The following NKAIN2 variants were observed in gnomAD, a reference collection of about 807,000 sequenced individuals.
The protein encoded by NKAIN2 is sodium/potassium-transporting ATPase subunit beta-1-interacting protein 2.
NKAIN2 carries 14 observed loss-of-function variants against 32.6 expected under a neutral mutation model. The observed-to-expected ratio is 0.43, with a 90% CI of 0.28 to 0.67. The LOEUF (loss-of-function observed/expected upper bound fraction) is 0.67, where lower values mean the gene tolerates loss of function less well. Ranked by LOEUF, NKAIN2 falls within the 30% of genes least tolerant of loss-of-function variation. The probability of loss-of-function intolerance (pLI) is 0.17; values close to 1 mark genes in which losing one functional copy is unlikely to be tolerated. For synonymous variants in NKAIN2, 80 were observed against 87.2 expected (o/e 0.92, Z 0.46); for missense variants, 198 against 258.3 (o/e 0.77, Z 1.60).
At chr6:123,873,540 G>C (rs1466665614) in intron 1 of NKAIN2, among the ~76,000 whole-genome samples, 1 of 152,172 alleles carries the variant, frequency 6.6e-6, no homozygotes, top group Non-Finnish European at 1.5e-5. Flanking sequence ...TTTCTCTGAA[G>C]TGTGTATGCA....
At chr6:124,607,734 A>G (rs1444159379) in intron 3 of NKAIN2, among the ~76,000 whole-genome samples, 1 of 152,124 alleles carries the variant, frequency 6.6e-6, no homozygotes, top group Admixed American at 6.5e-5. Context: ...TTCACAACTT[A>G]CAATGGTTCA....
At chr6:123,922,188 A>G (rs1775789306) in intron 1 of NKAIN2, among the ~76,000 whole-genome samples, 1 of 152,190 alleles carries the variant, frequency 6.6e-6, no homozygotes. Context: ...GTTGATAGGC[A>G]ACTTATTTAA....
chr6:124,705,484 C>G (rs1012143553), intron 4 of NKAIN2, among the ~76,000 whole-genome samples: 2 of 151,838 alleles, frequency 1.3e-5, no homozygotes, highest in African/African-American at 4.8e-5. Flanking sequence ...AGAATTGAAC[C>G]CTAAGTGGAG....
At chr6:124,571,339 G>C (rs1781120037) in intron 3 of NKAIN2, among the ~76,000 whole-genome samples, 2 of 152,082 alleles carry the variant, frequency 1.3e-5, no homozygotes, top group African/African-American at 4.8e-5. Context: ...GATTCGGAGG[G>C]GCCAGGCGTG....
chr6:123,805,247 C>T (rs532477578), intron 1 of NKAIN2, among the ~76,000 whole-genome samples: 1 of 152,310 alleles, frequency 6.6e-6, no homozygotes, highest in East Asian at 1.9e-4. Context: ...TTTTCAACAA[C>T]TGTTTCATAA....
chr6:123,843,908 T>C (rs1315710640), intron 1 of NKAIN2, among the ~76,000 whole-genome samples: 1 of 152,138 alleles, frequency 6.6e-6, no homozygotes, highest in African/African-American at 2.4e-5. Context: ...TGTGACAAAG[T>C]CCGGGCATGA....
At chr6:124,140,423 A>G (rs913372768) in intron 1 of NKAIN2, among the ~76,000 whole-genome samples, 2 of 152,226 alleles carry the variant, frequency 1.3e-5, no homozygotes, top group South Asian at 2.1e-4. Context: ...AGGTAAAAAC[A>G]TTAGAAAGAC....
At chr6:124,014,448 T>C (rs1261417151) in intron 1 of NKAIN2, among the ~76,000 whole-genome samples, 1 of 152,078 alleles carries the variant, frequency 6.6e-6, no homozygotes, top group Non-Finnish European at 1.5e-5. Flanking sequence ...TTTTTTTCAT[T>C]TTATATGTTT....
chr6:124,487,566 G>A (rs1233713216), intron 3 of NKAIN2, among the ~76,000 whole-genome samples: 4 of 152,050 alleles, frequency 2.6e-5, no homozygotes, highest in African/African-American at 9.7e-5. Flanking sequence ...TTGAATAGTT[G>A]GACTGCCCAT....
At chr6:124,780,466 A>G (rs746145790) in intron 4 of NKAIN2, among the ~76,000 whole-genome samples, 10 of 152,290 alleles carry the variant, frequency 6.6e-5, no homozygotes, top group Admixed American at 2.6e-4. Context: ...ATGGTGATAA[A>G]TGTTGTTTGT....
At chr6:124,225,110 A>G (rs1293561050) in intron 1 of NKAIN2, among the ~76,000 whole-genome samples, 1 of 152,014 alleles carries the variant, frequency 6.6e-6, no homozygotes, top group Non-Finnish European at 1.5e-5. Context: ...TTGTTTTCAG[A>G]GCTGTCTACT....
intron 2 of NKAIN2, among the ~76,000 whole-genome samples, chr6:124,353,608 A>C (rs1798830939): frequency 1.3e-5 from 2 of 152,118 alleles, no homozygotes; most frequent in Non-Finnish European, 2.9e-5. Flanking sequence ...CAAAAAAATT[A>C]GCCGGGCATA....
chr6:124,095,711 A>G (rs1784620365), intron 1 of NKAIN2, among the ~76,000 whole-genome samples: 1 of 152,150 alleles, frequency 6.6e-6, no homozygotes, highest in Admixed American at 6.5e-5. Context: ...ATCAATAAAC[A>G]CTAAATATCT....
At chr6:124,117,816 T>C (rs1312471508) in intron 1 of NKAIN2, among the ~76,000 whole-genome samples, 1 of 151,538 alleles carries the variant, frequency 6.6e-6, no homozygotes, top group Non-Finnish European at 1.5e-5. Flanking sequence ...TATAATCATA[T>C]AATATTTATT....
chr6:124,750,538 T>C (rs925897253), intron 4 of NKAIN2, among the ~76,000 whole-genome samples: 1 of 151,350 alleles, frequency 6.6e-6, no homozygotes, highest in South Asian at 2.1e-4. Context: ...GATGGATGGA[T>C]GGATGGATAT....
chr6:124,305,064 T>A (rs1012055520), intron 2 of NKAIN2, among the ~76,000 whole-genome samples: 9 of 152,188 alleles, frequency 5.9e-5, no homozygotes, highest in African/African-American at 2.2e-4. Context: ...TTAAAAAAAT[T>A]AGCTACGAAA....
At chr6:124,678,242 C>T (rs543457576) in intron 4 of NKAIN2, among the ~76,000 whole-genome samples, 57 of 152,116 alleles carry the variant, frequency 3.7e-4, no homozygotes, top group African/African-American at 1.3e-3. Flanking sequence ...TCTGGGTGTC[C>T]ATTTCCTTAC....
chr6:124,396,431 A>G (rs1773383700), intron 3 of NKAIN2, among the ~76,000 whole-genome samples: 1 of 150,464 alleles, frequency 6.6e-6, no homozygotes, highest in African/African-American at 2.4e-5. Flanking sequence ...ATTTGATTAA[A>G]AAAAAAAAAA....
intron 1 of NKAIN2, among the ~76,000 whole-genome samples, chr6:123,889,489 A>G (rs1217792553): frequency 6.6e-6 from 1 of 152,176 alleles, no homozygotes; most frequent in Admixed American, 6.5e-5. Flanking sequence ...TACTGGTGAC[A>G]TGACAGGCTG....
Sources: allele counts gnomAD v4.1 joint callset (sites outside exome capture counted in the v4.1 genomes callset), GRCh38; gene constraint gnomAD v4.1.1; transcripts MANE v1.5; gene names NCBI Gene and HGNC (gene_info 2026-07-23, HGNC 2026-07-21).